The following XYLT1 variants were observed in gnomAD, a reference collection of about 807,000 sequenced individuals.
The protein encoded by XYLT1 is xylosyltransferase 1, also known as beta-D-xylosyltransferase 1.
Under a neutral mutation model 91.3 loss-of-function variants are expected in XYLT1, and 36 were observed. That is an observed-to-expected ratio of 0.39 (90% CI 0.30 to 0.52). The LOEUF (loss-of-function observed/expected upper bound fraction) is 0.52, where lower values mean the gene tolerates loss of function less well. Ranked by LOEUF, XYLT1 falls within the 20% of genes least tolerant of loss-of-function variation. The probability of loss-of-function intolerance (pLI) is 0.68; values close to 1 mark genes in which losing one functional copy is unlikely to be tolerated. For missense variants in XYLT1, 1,242 were observed against 1,284.5 expected (o/e 0.97, Z 0.51); for synonymous variants, 588 against 532.0 (o/e 1.11, Z -1.45).
intron 2 of XYLT1, among the ~76,000 whole-genome samples, chr16:17,300,519 C>T (rs1401806068): frequency 5.6e-5 from 7 of 123,922 alleles, no homozygotes; most frequent in Admixed American, 3.3e-4. Context: ...TGCAGCGGCA[C>T]GATCTCGGCT....
chr16:17,298,116 G>A (rs1028124210), intron 2 of XYLT1, among the ~76,000 whole-genome samples: 2 of 152,118 alleles, frequency 1.3e-5, no homozygotes, highest in East Asian at 1.9e-4. Flanking sequence ...CATCCTGTAA[G>A]GTCTCACTTG....
intron 2 of XYLT1, among the ~76,000 whole-genome samples, chr16:17,329,114 C>T (rs983754835): frequency 1.2e-4 from 18 of 152,314 alleles, no homozygotes; most frequent in South Asian, 2.1e-4. Flanking sequence ...TCAGCTCTGC[C>T]GCTGTAGCTC....
chr16:17,369,543 C>T (rs1402111288), intron 1 of XYLT1: 1 of 152,152 alleles, frequency 6.6e-6, no homozygotes, highest in South Asian at 2.1e-4. Flanking sequence ...TTACCCCTCC[C>T]CCACAAAGGA....
chr16:17,347,804 G>T (rs1054097964), intron 2 of XYLT1, among the ~76,000 whole-genome samples: 1 of 152,234 alleles, frequency 6.6e-6, no homozygotes, highest in Non-Finnish European at 1.5e-5. Context: ...TGTACAAAGA[G>T]ATTCTTTATA....
At chr16:17,376,214 C>G (rs2035599338) in intron 1 of XYLT1, among the ~76,000 whole-genome samples, 1 of 152,192 alleles carries the variant, frequency 6.6e-6, no homozygotes, top group East Asian at 1.9e-4. Flanking sequence ...TTTGTCATAA[C>G]TTGAAAGGGA....
In XYLT1 at chr16:17,131,825, C is replaced by T. The variant is rs9941019; in HGVS notation, c.2027+2648G>A. 8.6e-3 allele frequency among the ~76,000 whole-genome samples: 1,310 copies of T among 152,292 alleles called. 12 individuals are homozygous for T. Among genetic ancestry groups the T allele is most frequent in the African/African-American group, 0.026 (1,074 of 41,552 alleles). ...TCACTTGCTGTTTCCCCACATGCCCCGGGGCTAGGAATCCATTCTCTTCTG... is the reference window on the plus strand; with the variant it reads ...TCACTTGCTGTTTCCCCACATGCCCTGGGGCTAGGAATCCATTCTCTTCTG... On this transcript the variant is annotated intron_variant, in intron 9 of 11. Coordinates refer to ENST00000261381, the MANE Select transcript of XYLT1 (RefSeq NM_022166.4).
At chr16:17,424,648 T>C (rs759753141) in intron 1 of XYLT1, among the ~76,000 whole-genome samples, 14 of 151,954 alleles carry the variant, frequency 9.2e-5, no homozygotes, top group Non-Finnish European at 1.8e-4. Context: ...GGCAGGCGGA[T>C]CACGAGGTCA....
chr16:17,308,197 A>G (rs958185991), intron 2 of XYLT1, among the ~76,000 whole-genome samples: 6 of 152,128 alleles, frequency 3.9e-5, no homozygotes, highest in African/African-American at 1.4e-4. Context: ...CACAACCCCA[A>G]CCTCCCAAGA....
intron 3 of XYLT1, among the ~76,000 whole-genome samples, chr16:17,207,721 C>A (rs559328562): frequency 6.6e-6 from 1 of 152,166 alleles, no homozygotes; most frequent in Non-Finnish European, 1.5e-5. Context: ...AATCAGTCAA[C>A]GGCCCAGACT....
At chr16:17,272,849 G>A (rs1007008476) in intron 2 of XYLT1, among the ~76,000 whole-genome samples, 3 of 152,128 alleles carry the variant, frequency 2.0e-5, no homozygotes, top group Admixed American at 6.6e-5. Context: ...GCTTTGCCTC[G>A]GAGATCTCAG....
At chr16:17,254,875 C>T (rs959376265) in intron 3 of XYLT1, among the ~76,000 whole-genome samples, 1 of 152,136 alleles carries the variant, frequency 6.6e-6, no homozygotes, top group Admixed American at 6.6e-5. Flanking sequence ...ACCCCTAACC[C>T]CAGAATTCTT....
intron 9 of XYLT1, 107 bp from the exon 10 acceptor site, chr16:17,127,968 C>T: frequency 1.0e-6 from 1 of 996,010 alleles, no homozygotes. Flanking sequence ...CCATTGTGCA[C>T]AATGCCTACT....
chr16:17,345,656 G>A (rs2035133834), intron 2 of XYLT1, among the ~76,000 whole-genome samples: 1 of 152,240 alleles, frequency 6.6e-6, no homozygotes, highest in Admixed American at 6.5e-5. Flanking sequence ...GATGCACTGA[G>A]CAAGTGAAAG....
chr16:17,348,763 A>C (rs1433266681), intron 2 of XYLT1, among the ~76,000 whole-genome samples: 1 of 152,124 alleles, frequency 6.6e-6, no homozygotes, highest in Non-Finnish European at 1.5e-5. Flanking sequence ...TTCTTCATTG[A>C]ATGATTCCAT....
chr16:17,215,728 T>C (rs147413201), intron 3 of XYLT1, among the ~76,000 whole-genome samples: 302 of 151,904 alleles, frequency 2.0e-3, no homozygotes, highest in Non-Finnish European at 2.5e-3. Flanking sequence ...TGTCCCTAAG[T>C]GGAGGGAACA....
intron 1 of XYLT1, among the ~76,000 whole-genome samples, chr16:17,363,806 A>C (rs927629907): frequency 6.6e-6 from 1 of 152,172 alleles, no homozygotes; most frequent in Admixed American, 6.6e-5. Flanking sequence ...AGCCTCCCAA[A>C]GTGCCGGGAT....
At chr16:17,405,381 C>A (rs1008232377) in intron 1 of XYLT1, among the ~76,000 whole-genome samples, 1 of 152,226 alleles carries the variant, frequency 6.6e-6, no homozygotes, top group Admixed American at 6.5e-5. Context: ...TATAAAGCAT[C>A]CGTGCTCGCA....
intron 1 of XYLT1, among the ~76,000 whole-genome samples, chr16:17,394,957 C>A (rs995812866): frequency 6.6e-6 from 1 of 152,066 alleles, no homozygotes; most frequent in African/African-American, 2.4e-5. Context: ...CCCTGCCCAT[C>A]CCCCCTGTAT....
intron 2 of XYLT1, among the ~76,000 whole-genome samples, chr16:17,297,008 G>T (rs2034322165): frequency 6.6e-6 from 1 of 152,224 alleles, no homozygotes. Context: ...GGAGGAAGCA[G>T]AAGTACTATT....
Sources: allele counts gnomAD v4.1 joint callset (sites outside exome capture counted in the v4.1 genomes callset), GRCh38; gene constraint gnomAD v4.1.1; transcripts MANE v1.5; gene names NCBI Gene and HGNC (gene_info 2026-07-23, HGNC 2026-07-21).